NTNG1: variants seen among roughly 807,000 people sequenced by gnomAD.
NTNG1 encodes the protein netrin G1.
In NTNG1, 16 loss-of-function variants were observed where a neutral mutation model predicts 54.0. The ratio of observed to expected loss-of-function variants is 0.30; its 90% confidence interval spans 0.20 to 0.45. The LOEUF (loss-of-function observed/expected upper bound fraction) is 0.45, where lower values mean the gene tolerates loss of function less well. Ranked by LOEUF, NTNG1 falls within the 20% of genes least tolerant of loss-of-function variation. The pLI, the probability that NTNG1 is intolerant of heterozygous loss-of-function variation, is 1.00. For synonymous variants in NTNG1, 255 were observed against 263.1 expected, an observed-to-expected ratio of 0.97 and a Z score of 0.30; for missense variants, 530 against 678.7, an observed-to-expected ratio of 0.78 and a Z score of 2.43.
At chr1:107,386,165 ATTT>A (rs71098628) in intron 3 of NTNG1, among the ~76,000 whole-genome samples, 20,723 of 120,606 alleles carry the variant, frequency 0.17, 1,834 homozygotes, top group Middle Eastern at 0.25. Flanking sequence ...ATATATATAT[ATTT>A]TTTTTTTTTT....
intron 2 of NTNG1, among the ~76,000 whole-genome samples, chr1:107,262,368 TA>T (rs1220278116): frequency 1.3e-5 from 2 of 152,170 alleles, no homozygotes; most frequent in Admixed American, 6.5e-5. Flanking sequence ...GTAGAAAAGG[TA>T]TTTTGTCACA....
chr1:107,293,490 T>C (rs1164679482), intron 2 of NTNG1, among the ~76,000 whole-genome samples: 2 of 152,176 alleles, frequency 1.3e-5, no homozygotes, highest in African/African-American at 2.4e-5. Context: ...AGCCTTAAAA[T>C]TGGAAAGTAT....
intron 2 of NTNG1, among the ~76,000 whole-genome samples, chr1:107,231,407 C>T (rs370908396): frequency 8.5e-5 from 13 of 152,066 alleles, no homozygotes; most frequent in South Asian, 2.1e-4. Context: ...CCATTTACTG[C>T]GGTAAATGGT....
At chr1:107,283,521 G>C (rs562186484) in intron 2 of NTNG1, among the ~76,000 whole-genome samples, 2 of 152,276 alleles carry the variant, frequency 1.3e-5, no homozygotes, top group Admixed American at 6.5e-5. Context: ...AATTTTCCAA[G>C]TACATATAGA....
chr1:107,302,964 C>T (rs945301917), intron 2 of NTNG1, among the ~76,000 whole-genome samples: 1 of 152,206 alleles, frequency 6.6e-6, no homozygotes, highest in Non-Finnish European at 1.5e-5. Flanking sequence ...CTATTCGCCA[C>T]TCAATACGTA....
chr1:107,279,398 T>C (rs1164275237), intron 2 of NTNG1, among the ~76,000 whole-genome samples: 1 of 152,202 alleles, frequency 6.6e-6, no homozygotes, highest in Non-Finnish European at 1.5e-5. Context: ...CTTGAATTCA[T>C]GTTGGAGCAA....
At position 107,386,167 on chromosome 1, in the gene NTNG1, T is replaced by TA. The variant is rs1557954792; in HGVS notation, c.888-8987_888-8986insA. On this transcript the variant is annotated intron_variant, in intron 3 of 7. Coordinates refer to ENST00000370068, the MANE Select transcript of NTNG1 (RefSeq NM_001113226.3). ...TATGTGTGTATATATATATATATAT[T>TA]TTTTTTTTTTTCTTCCTTTGAAATG... 2.2e-3 allele frequency among the ~76,000 whole-genome samples: 131 copies of TA among 59,728 alleles called. 2 individuals carry two copies. The highest frequency in any genetic ancestry group is 3.9e-3 in the Admixed American group (22 of 5,606). 39.2% of individuals were successfully genotyped at this position (59,728 alleles called of 152,430 possible).
intron 2 of NTNG1, among the ~76,000 whole-genome samples, chr1:107,319,865 T>TTTTATATATATATA (rs143435452): frequency 6.8e-6 from 1 of 147,872 alleles, no homozygotes; most frequent in Non-Finnish European, 1.5e-5. Context: ...TACCTGAGGT[T>TTTTATATATATATA]TATATATATA....
chr1:107,364,806 G>T lies in NTNG1; in HGVS notation c.888-30348G>T, dbSNP rs1670498917. 2.0e-5 allele frequency among the ~76,000 whole-genome samples: 3 copies of T among 152,104 alleles called. No homozygotes were observed. In the South Asian group the frequency reaches 6.2e-4, roughly 31 times the overall value. Reference sequence around the variant, plus strand: ...CCAAGTGCGAAATTACCTGCTTAAAGTCAATTGTGTAGTAAAATACAGAAC... The same window carrying T: ...CCAAGTGCGAAATTACCTGCTTAAATTCAATTGTGTAGTAAAATACAGAAC... On this transcript the variant is annotated intron_variant, in intron 3 of 7. Coordinates refer to ENST00000370068, the MANE Select transcript of NTNG1 (RefSeq NM_001113226.3).
chr1:107,476,828 G>A (rs1678363573), intron 7 of NTNG1, among the ~76,000 whole-genome samples: 1 of 152,020 alleles, frequency 6.6e-6, no homozygotes, highest in South Asian at 2.1e-4. Context: ...TCACAACCAG[G>A]TCACATTTGC....
chr1:107,273,637 G>T (rs1351705779), intron 2 of NTNG1, among the ~76,000 whole-genome samples: 1 of 152,110 alleles, frequency 6.6e-6, no homozygotes, highest in African/African-American at 2.4e-5. Context: ...AATATTTAAG[G>T]AATGAATGAA....
At chr1:107,266,707 A>G (rs1049377418) in intron 2 of NTNG1, among the ~76,000 whole-genome samples, 2 of 150,506 alleles carry the variant, frequency 1.3e-5, no homozygotes, top group African/African-American at 4.9e-5. Flanking sequence ...TTTCCTATTC[A>G]TAGGAAGAGG....
At chr1:107,407,625 A>T in intron 4 of NTNG1, 57 bp from the exon 5 acceptor site, 2 of 1,340,274 alleles carry the variant, frequency 1.5e-6, no homozygotes, top group Non-Finnish European at 2.1e-6. Flanking sequence ...TAAGTTAAAG[A>T]TGTTATGTAC....
intron 4 of NTNG1, among the ~76,000 whole-genome samples, chr1:107,405,254 G>T (rs1220156265): frequency 1.3e-5 from 2 of 152,088 alleles, no homozygotes; most frequent in Non-Finnish European, 2.9e-5. Context: ...GACATCCCTT[G>T]GTGTTCAGAT....
At chr1:107,459,110 T>C (rs1677124043) in intron 7 of NTNG1, among the ~76,000 whole-genome samples, 1 of 152,208 alleles carries the variant, frequency 6.6e-6, no homozygotes, top group Admixed American at 6.5e-5. Context: ...GTTCACACTA[T>C]CTATTATTAC....
At chr1:107,448,705 A>G (rs1384985351) in intron 7 of NTNG1, among the ~76,000 whole-genome samples, 1 of 152,104 alleles carries the variant, frequency 6.6e-6, no homozygotes, top group African/African-American at 2.4e-5. Flanking sequence ...AGTCAAGGGC[A>G]TACATACACC....
At chr1:107,412,997 C>G (rs1209120177) in intron 5 of NTNG1, among the ~76,000 whole-genome samples, 1 of 152,118 alleles carries the variant, frequency 6.6e-6, no homozygotes, top group Non-Finnish European at 1.5e-5. Flanking sequence ...TCTGTTTTCC[C>G]CATCTGTTTA....
At chr1:107,352,620 A>C (rs1163132927) in intron 3 of NTNG1, among the ~76,000 whole-genome samples, 3 of 152,232 alleles carry the variant, frequency 2.0e-5, no homozygotes, top group African/African-American at 7.2e-5. Context: ...AATCAGCCAA[A>C]AGAAAGGGGC....
chr1:107,264,049 T>C (rs1170592988), intron 2 of NTNG1, among the ~76,000 whole-genome samples: 2 of 152,186 alleles, frequency 1.3e-5, no homozygotes, highest in Non-Finnish European at 2.9e-5. Flanking sequence ...TGTCAGTAGA[T>C]GACAGGAGAT....
Sources: gnomAD v4.1 joint callset for allele counts (sites outside exome capture counted in the v4.1 genomes callset) on GRCh38, gnomAD v4.1.1 for gene constraint, MANE v1.5 for transcripts, NCBI Gene and HGNC (gene_info 2026-07-23, HGNC 2026-07-21) for gene names.